The following CSMD1 variants were observed in gnomAD, a reference collection of about 807,000 sequenced individuals.
CSMD1 encodes the protein CUB and sushi domain-containing protein 1.
In CSMD1, 213 loss-of-function variants were observed where a neutral mutation model predicts 417.5. That is an observed-to-expected ratio of 0.51 (90% CI 0.46 to 0.57). CSMD1 has a LOEUF of 0.57. CSMD1 is among the 20% of genes least tolerant of loss of function. CSMD1 has a pLI of 0.00. For missense variants in CSMD1, 6,923 were observed against 4,529.7 expected, an observed-to-expected ratio of 1.53 and a Z score of -15.17; for synonymous variants, 2,862 against 1,736.8, an observed-to-expected ratio of 1.65 and a Z score of -16.11.
intron 2 of CSMD1, among the ~76,000 whole-genome samples, chr8:4,617,689 A>C (rs963034926): frequency 6.6e-6 from 1 of 152,160 alleles, no homozygotes; most frequent in Non-Finnish European, 1.5e-5. Flanking sequence ...CAAAGCCCTC[A>C]GTGAATCTGT....
At chr8:4,842,783 TA>T in intron 1 of CSMD1, among the ~76,000 whole-genome samples, 1 of 152,258 alleles carries the variant, frequency 6.6e-6, no homozygotes, top group East Asian at 1.9e-4. Context: ...ATAGTCACAT[TA>T]CACATTAATG....
chr8:3,642,144 A>G (rs982973343), intron 7 of CSMD1, among the ~76,000 whole-genome samples: 6 of 151,964 alleles, frequency 3.9e-5, no homozygotes, highest in Non-Finnish European at 7.4e-5. Flanking sequence ...ACAAATAGAC[A>G]AAGATATGAT....
intron 6 of CSMD1, among the ~76,000 whole-genome samples, chr8:3,744,521 G>A (rs192107807): frequency 6.6e-6 from 1 of 151,938 alleles, no homozygotes; most frequent in East Asian, 1.9e-4. Flanking sequence ...AAATAAAATA[G>A]ATCCAAAGAT....
chr8:4,096,569 A>G (rs895902847), intron 3 of CSMD1, among the ~76,000 whole-genome samples: 1 of 141,412 alleles, frequency 7.1e-6, no homozygotes, highest in South Asian at 2.1e-4. Context: ...AATGCACGCC[A>G]CTAAGGATAC....
intron 3 of CSMD1, among the ~76,000 whole-genome samples, chr8:4,145,400 G>A (rs749153432): frequency 2.0e-5 from 3 of 150,930 alleles, no homozygotes; most frequent in Non-Finnish European, 4.4e-5. Flanking sequence ...TCTTCTTTGG[G>A]CAATTGTGAC....
At chr8:3,298,323 CAT>C (rs1491160906) in intron 25 of CSMD1, among the ~76,000 whole-genome samples, 4 of 152,158 alleles carry the variant, frequency 2.6e-5, no homozygotes, top group Admixed American at 1.3e-4. Context: ...CTCCAAACTG[CAT>C]CAGAACCATC....
intron 3 of CSMD1, among the ~76,000 whole-genome samples, chr8:4,053,676 G>A (rs1798548649): frequency 1.3e-5 from 2 of 151,964 alleles, no homozygotes; most frequent in Admixed American, 6.6e-5. Flanking sequence ...CCCAAAAATA[G>A]CAGGTTAAAA....
intron 6 of CSMD1, among the ~76,000 whole-genome samples, chr8:3,717,309 A>C (rs781366933): frequency 6.6e-6 from 1 of 152,356 alleles, no homozygotes; most frequent in Non-Finnish European, 1.5e-5. Flanking sequence ...TATTTTAATG[A>C]ACTTGTATGT....
chr8:3,560,027 G>A (rs1799402247), intron 10 of CSMD1, among the ~76,000 whole-genome samples: 1 of 152,120 alleles, frequency 6.6e-6, no homozygotes, highest in Admixed American at 6.5e-5. Flanking sequence ...GATTTAGTGT[G>A]GAGGGAATTT....
intron 10 of CSMD1, among the ~76,000 whole-genome samples, chr8:3,526,679 AAAAGATCTGGCTTC>A (rs935184826): frequency 6.6e-6 from 1 of 152,202 alleles, no homozygotes; most frequent in Non-Finnish European, 1.5e-5. Context: ...GATGCAAAAT[AAAAGATCTGGCTTC>A]AAAGCCAAAA....
chr8:3,709,050 T>A (rs1225183122), intron 6 of CSMD1, among the ~76,000 whole-genome samples: 1 of 152,182 alleles, frequency 6.6e-6, no homozygotes, highest in African/African-American at 2.4e-5. Flanking sequence ...CTTTCCAGGC[T>A]GTGCAAAAGG....
At chr8:4,259,895 G>A (rs183514146) in intron 3 of CSMD1, among the ~76,000 whole-genome samples, 14 of 151,868 alleles carry the variant, frequency 9.2e-5, no homozygotes, top group East Asian at 1.9e-4. Context: ...TTTTGCTACC[G>A]CATAGTCTCT....
chr8:3,057,652 G>A (rs1195962330), intron 49 of CSMD1, among the ~76,000 whole-genome samples: 2 of 152,054 alleles, frequency 1.3e-5, no homozygotes, highest in Non-Finnish European at 2.9e-5. Flanking sequence ...TACAGATAAA[G>A]TTACAGATGC....
intron 1 of CSMD1, among the ~76,000 whole-genome samples, chr8:4,664,342 T>C (rs1282850121): frequency 6.6e-6 from 1 of 152,106 alleles, no homozygotes; most frequent in East Asian, 1.9e-4. Flanking sequence ...GGCGGATCAC[T>C]TGAGCTCAGG....
At position 3,096,985 on chromosome 8, in the gene CSMD1, A is replaced by G. The variant is rs1815352642; in HGVS notation, c.7002T>C (p.Ser2334=). The G allele has an allele frequency of 6.4e-7, 1 of 1,555,802 alleles. No individual in the cohort carries two copies. Among genetic ancestry groups the G allele is most frequent in the Admixed American group, 1.9e-5 (1 of 51,554 alleles). Residue 2334 remains serine (S), a synonymous_variant, in exon 47 of 70, where the codon AGT becomes AGC. Transcript: ENST00000635120. The part of the protein sequence containing the change: ...VRTGSSGVIL[S]PGYPGNYFNS... ...TAAAATAATTACCCGGATACCCTGG[A>G]CTGAGAATGACTCCCGATGATCCAG...
intron 2 of CSMD1, among the ~76,000 whole-genome samples, chr8:4,462,890 G>T (rs1367618358): frequency 1.3e-5 from 2 of 152,010 alleles, no homozygotes; most frequent in Non-Finnish European, 2.9e-5. Flanking sequence ...GTAAATCTTT[G>T]TAACCTGATG....
At position 3,416,424 on chromosome 8, in the gene CSMD1, G is replaced by A. The variant is rs138021199; in HGVS notation, c.1562-6819C>T. Among the ~76,000 whole-genome samples the A allele has an allele frequency of 7.9e-5, 12 of 152,098 alleles. No individual in the cohort carries two copies. In the East Asian group the frequency reaches 2.1e-3, roughly 27 times the overall value. ...GAAATAGAGAAAAAGAACTCTGAAGGTAGAAATAAATGAATGTGGACTATG... is the reference window on the plus strand; with the variant it reads ...GAAATAGAGAAAAAGAACTCTGAAGATAGAAATAAATGAATGTGGACTATG... On this transcript the variant is annotated intron_variant, in intron 12 of 69. Coordinates refer to ENST00000635120, the MANE Select transcript of CSMD1 (RefSeq NM_033225.6).
intron 49 of CSMD1, among the ~76,000 whole-genome samples, chr8:3,079,958 T>A (rs1161698321): frequency 6.6e-6 from 1 of 152,208 alleles, no homozygotes; most frequent in Non-Finnish European, 1.5e-5. Flanking sequence ...AGAAGCAGAA[T>A]ATAGGCAGCT....
chr8:3,848,739 C>T (rs1803680807), intron 5 of CSMD1, among the ~76,000 whole-genome samples: 1 of 152,050 alleles, frequency 6.6e-6, no homozygotes, highest in Middle Eastern at 3.4e-3. Context: ...TTTAGGTGGT[C>T]CTGAACTACA....
Sources: gnomAD v4.1 joint callset for allele counts (sites outside exome capture counted in the v4.1 genomes callset) on GRCh38, gnomAD v4.1.1 for gene constraint, MANE v1.5 for transcripts, NCBI Gene and HGNC (gene_info 2026-07-23, HGNC 2026-07-21) for gene names.